ARAP1: variants seen among roughly 807,000 people sequenced by gnomAD.
ARAP1 encodes arf-GAP with Rho-GAP domain, ANK repeat and PH domain-containing protein 1.
In ARAP1, 76 loss-of-function variants were observed where a neutral mutation model predicts 172.2. The observed-to-expected ratio is 0.44, with a 90% CI of 0.37 to 0.53. ARAP1 has a LOEUF of 0.53. Among genes scored for constraint, ARAP1 ranks in the 20% least tolerant of loss-of-function variants. ARAP1 has a pLI of 0.00. For synonymous variants in ARAP1, 804 were observed against 803.3 expected (o/e 1.00, Z -0.01); for missense variants, 1,686 against 1,977.5 (o/e 0.85, Z 2.80).
chr11:72,721,619 A>C (rs977717559), intron 3 of ARAP1, among the ~76,000 whole-genome samples: 2 of 152,136 alleles, frequency 1.3e-5, no homozygotes, highest in African/African-American at 4.8e-5. Flanking sequence ...AGACCTAGAA[A>C]GCCCAGGGAA....
At chr11:72,734,146 G>C (rs1183463473) in intron 1 of ARAP1, among the ~76,000 whole-genome samples, 1 of 151,804 alleles carries the variant, frequency 6.6e-6, no homozygotes, top group East Asian at 1.9e-4. Context: ...TTTGAGACAG[G>C]GTCTTGCTCT....
chr11:72,743,516 C>T (rs892124016), intron 1 of ARAP1, among the ~76,000 whole-genome samples: 9 of 152,126 alleles, frequency 5.9e-5, no homozygotes, highest in African/African-American at 2.2e-4. Flanking sequence ...AGGGCCTGAC[C>T]CCAGCTCACC....
intron 30 of ARAP1, chr11:72,688,909 C>A: frequency 4.9e-6 from 1 of 206,024 alleles, no homozygotes; most frequent in Non-Finnish European, 9.9e-6. Context: ...AACTGTACAT[C>A]CTCCCCCAGC....
intron 30 of ARAP1, among the ~76,000 whole-genome samples, chr11:72,691,545 C>T (rs1184017011): frequency 1.3e-5 from 2 of 152,192 alleles, no homozygotes; most frequent in East Asian, 1.9e-4. Flanking sequence ...ACGGTGTTTC[C>T]CACAGGGTTA....
intron 23 of ARAP1, among the ~76,000 whole-genome samples, chr11:72,696,090 C>A (rs1047034267): frequency 6.6e-6 from 1 of 151,990 alleles, no homozygotes. Flanking sequence ...AAATCCTCTA[C>A]AACAGTGGTC....
At position 72,709,872 on chromosome 11, in the gene ARAP1, G is replaced by C. The variant is rs780135739; in HGVS notation, c.1521C>G (p.Phe507Leu). 1.2e-6 allele frequency: 2 copies of C among 1,613,988 alleles called. No individual in the cohort carries two copies. The highest frequency in any genetic ancestry group is 1.7e-6 in the Non-Finnish European group (2 of 1,179,936). ...GAGCCAAGAAGATGGAGGGTCACCT[G>C]AAGATGCGGTAGGGCGTGGTGAGGT... ...SFDLTTPYRIFSFSADSELEK... is the reference protein window; with the variant it reads ...SFDLTTPYRILSFSADSELEK... The change falls in exon 11 of 35, where the codon TTC becomes TTG. Residue 507 changes from phenylalanine to leucine, a missense_variant and splice_region_variant. Around this residue, in one of 5 missense-constraint regions of ARAP1, gnomAD observed 688 missense variants for 856.9 expected, o/e 0.80. Transcript: ENST00000393609.
chr11:72,711,561 C>T (rs1443738524), intron 7 of ARAP1, 62 bp from the exon 8 acceptor site: 12 of 1,420,210 alleles, frequency 8.4e-6, no homozygotes, highest in Admixed American at 6.8e-5. Flanking sequence ...TCCAGGACCA[C>T]CCCAGCCCTC....
At position 72,686,147 on chromosome 11, in the gene ARAP1, C is replaced by T. The variant is rs749204813; in HGVS notation, c.4230G>A (p.Arg1410=). The change falls in exon 34 of 35, where the codon CGG becomes CGA. Residue 1410 remains arginine (R), a synonymous_variant. Transcript: ENST00000393609. ...VWPSEPSRVS[R]AVPEVRLGSV... ...TACCCAGCCGGACCTCAGGCACTGC[C>T]CGGGACACGCGTGAGGGCTCTGAGG... 1.9e-6 allele frequency: 3 copies of T among 1,613,952 alleles called. No homozygotes were observed. The highest frequency in any genetic ancestry group is 1.1e-5 in the South Asian group (1 of 91,070).
At chr11:72,706,373 TC>T (rs1856763479) in intron 12 of ARAP1, among the ~76,000 whole-genome samples, 1 of 152,068 alleles carries the variant, frequency 6.6e-6, no homozygotes, top group African/African-American at 2.4e-5. Context: ...AGAGAGGGCC[TC>T]CCCAGCACAC....
chr11:72,704,433 G>A (rs1287849757), intron 13 of ARAP1, 99 bp from the exon 14 acceptor site: 2 of 1,314,314 alleles, frequency 1.5e-6, no homozygotes, highest in South Asian at 3.1e-5. Flanking sequence ...GGGGCTGGGA[G>A]AGCCAGGCCA....
intron 3 of ARAP1, among the ~76,000 whole-genome samples, chr11:72,723,324 G>GATA (rs766684591): frequency 6.6e-6 from 1 of 151,722 alleles, no homozygotes; most frequent in Non-Finnish European, 1.5e-5. Flanking sequence ...TAATAATGAT[G>GATA]ATAATAATAA....
Position 72,711,277 on chromosome 11 carries a change from C to A in ARAP1, c.1093-136G>T. On this transcript the variant is annotated intron_variant, in intron 8 of 34. Coordinates refer to ENST00000393609, the MANE Select transcript of ARAP1 (RefSeq NM_001040118.3). Reference sequence around the variant, plus strand: ...ACCCTGTGCTGACCCTGACTGCAGCCCTCAGCAGGCAGAGGGCCAGGAGGA... The same window carrying A: ...ACCCTGTGCTGACCCTGACTGCAGCACTCAGCAGGCAGAGGGCCAGGAGGA... 2.0e-6 allele frequency: 3 copies of A among 1,476,994 alleles called. No homozygotes were observed. The South Asian group carries it at 3.8e-5, about 19-fold the overall frequency. 91.5% of individuals were successfully genotyped at this position (1,476,994 alleles called of 1,614,324 possible).
chr11:72,697,786 T>C, intron 19 of ARAP1, 125 bp downstream of exon 19: 1 of 1,502,052 alleles, frequency 6.7e-7, no homozygotes, highest in East Asian at 2.4e-5. Flanking sequence ...CCCAAGGACA[T>C]GAGAGGGCAG....
chr11:72,688,158 A>AT (rs1168973956), intron 31 of ARAP1, among the ~76,000 whole-genome samples: 2 of 151,740 alleles, frequency 1.3e-5, no homozygotes, highest in Non-Finnish European at 2.9e-5. Context: ...TAATTTTTGT[A>AT]TTTTTTTGTA....
chr11:72,688,488 A>T lies in ARAP1; in HGVS notation c.4037T>A (p.Leu1346Gln). The change falls in exon 31 of 35, where the codon CTG (leucine) becomes CAG (glutamine). Residue 1346 changes from leucine to glutamine, a missense_variant. Transcript: ENST00000393609. Reference protein sequence around the residue: ...EWPIKSLKVYLGVKKKLRPPT... With the variant: ...EWPIKSLKVYQGVKKKLRPPT... ...TGGCCTGAGTTTCTTCTTCACTCCC[A>T]GGTAGACTTTGAGACTCTTAATAGG... 1 of 1,612,748 alleles carries T rather than the reference A, an allele frequency of 6.2e-7. No homozygotes were observed. Among genetic ancestry groups the T allele is most frequent in the Non-Finnish European group, 8.5e-7 (1 of 1,179,500 alleles).
intron 31 of ARAP1, 53 bp from the exon 32 acceptor site, chr11:72,687,791 A>G: frequency 6.2e-7 from 1 of 1,601,022 alleles, no homozygotes; most frequent in East Asian, 2.2e-5. Context: ...TAGAGGCTCA[A>G]CACCCCAGTT....
intron 7 of ARAP1, among the ~76,000 whole-genome samples, chr11:72,711,893 C>A (rs776992911): frequency 6.6e-6 from 1 of 152,030 alleles, no homozygotes; most frequent in African/African-American, 2.4e-5. Context: ...GACGAGGTCT[C>A]GCCATGTTGC....
At chr11:72,727,685 C>T (rs1351352679) in intron 2 of ARAP1, among the ~76,000 whole-genome samples, 1 of 152,218 alleles carries the variant, frequency 6.6e-6, no homozygotes, top group African/African-American at 2.4e-5. Flanking sequence ...ACTAGCCTCC[C>T]CCTACCTCCA....
intron 30 of ARAP1, among the ~76,000 whole-genome samples, chr11:72,691,863 C>T (rs899769474): frequency 1.3e-5 from 2 of 152,076 alleles, no homozygotes; most frequent in Non-Finnish European, 2.9e-5. Flanking sequence ...GGGATGGTTT[C>T]GGGATAAAAC....
Sources: gnomAD v4.1 joint callset for allele counts (sites outside exome capture counted in the v4.1 genomes callset) on GRCh38, gnomAD v4.1.1 for gene constraint, gnomAD v4.1.1 regional missense constraint, MANE v1.5 for transcripts, NCBI Gene and HGNC (gene_info 2026-07-23, HGNC 2026-07-21) for gene names.